Variants in RELCH observed in about 807,000 individuals in gnomAD.
RELCH encodes RAB11 binding and LisH domain, coiled-coil and HEAT repeat containing.
RELCH carries 41 observed loss-of-function variants against 150.3 expected under a neutral mutation model. That is an observed-to-expected ratio of 0.27 (90% CI 0.21 to 0.35). RELCH has a LOEUF of 0.35. RELCH is among the 10% of genes least tolerant of loss of function. The probability of loss-of-function intolerance (pLI) is 1.00; values close to 1 mark genes in which losing one functional copy is unlikely to be tolerated. For missense variants in RELCH, 1,092 were observed against 1,467.8 expected (o/e 0.74, Z 4.18); for synonymous variants, 478 against 531.8 (o/e 0.90, Z 1.39).
intron 1 of RELCH, among the ~76,000 whole-genome samples, chr18:62,188,982 A>G (rs2038392805): frequency 2.0e-5 from 3 of 151,588 alleles, no homozygotes. Flanking sequence ...AGCCTAATTG[A>G]TTTTTTTTTA....
chr18:62,262,736 A>G (rs1256698227), intron 16 of RELCH, among the ~76,000 whole-genome samples: 2 of 151,956 alleles, frequency 1.3e-5, no homozygotes, highest in African/African-American at 4.8e-5. Context: ...GGATTTTCCT[A>G]TCTTTCTAAT....
intron 1 of RELCH, among the ~76,000 whole-genome samples, chr18:62,198,979 A>G (rs991594102): frequency 6.6e-6 from 1 of 151,854 alleles, no homozygotes; most frequent in Non-Finnish European, 1.5e-5. Context: ...TGTTGTCCAT[A>G]TGCAAAACCT....
At chr18:62,273,938 T>G in intron 20 of RELCH, 42 bp from the exon 21 acceptor site, 1 of 1,231,598 alleles carries the variant, frequency 8.1e-7, no homozygotes, top group Non-Finnish European at 1.2e-6. Flanking sequence ...TTAGTTCTAC[T>G]TGATTGTTTG....
chr18:62,220,988 C>A, intron 2 of RELCH, 49 bp from the exon 3 acceptor site: 1 of 1,437,596 alleles, frequency 7.0e-7, no homozygotes, highest in South Asian at 1.2e-5. Flanking sequence ...TTTTGTTTCC[C>A]TTTTCTTGGT....
intron 1 of RELCH, among the ~76,000 whole-genome samples, chr18:62,196,023 A>G (rs1238589788): frequency 1.3e-5 from 2 of 151,990 alleles, no homozygotes; most frequent in East Asian, 3.9e-4. Flanking sequence ...GATCCAACGT[A>G]TCGTTTCTCA....
chr18:62,241,209 C>G (rs1485790086), intron 10 of RELCH, among the ~76,000 whole-genome samples: 1 of 152,138 alleles, frequency 6.6e-6, no homozygotes, highest in East Asian at 1.9e-4. Flanking sequence ...AATGTATTTT[C>G]CTACTTTGTC....
intron 2 of RELCH, among the ~76,000 whole-genome samples, chr18:62,219,636 CTT>C (rs939474473): frequency 3.9e-5 from 6 of 151,918 alleles, no homozygotes; most frequent in Non-Finnish European, 5.9e-5. Context: ...AAATGTTTAA[CTT>C]TGTTGCACAG....
chr18:62,274,925 CTA>C (rs1468896209), intron 21 of RELCH, among the ~76,000 whole-genome samples: 1 of 152,086 alleles, frequency 6.6e-6, no homozygotes, highest in Non-Finnish European at 1.5e-5. Context: ...TTGTTTGTTT[CTA>C]TGTTTTTTGA....
intron 8 of RELCH, among the ~76,000 whole-genome samples, chr18:62,229,518 G>GTGTGTGTGTCTGTC (rs539055675): frequency 0.019 from 2,817 of 147,526 alleles, 34 homozygotes; most frequent in South Asian, 0.039. Context: ...GTGTGTGTGT[G>GTGTGTGTGTCTGTC]TGTCTGTCTG....
intron 1 of RELCH, among the ~76,000 whole-genome samples, chr18:62,203,572 T>G (rs1033591734): frequency 6.6e-6 from 1 of 152,236 alleles, no homozygotes; most frequent in African/African-American, 2.4e-5. Flanking sequence ...CATTGACAAA[T>G]GCTGTTACAT....
chr18:62,197,153 C>T (rs181468613), intron 1 of RELCH, among the ~76,000 whole-genome samples: 2 of 152,274 alleles, frequency 1.3e-5, no homozygotes, highest in East Asian at 3.9e-4. Flanking sequence ...ACACTCCCTG[C>T]TTACCATCAT....
Position 62,266,695 on chromosome 18 carries a change from G to T in RELCH, c.2632-6G>T. 1 of 1,595,994 alleles carries T rather than the reference G, an allele frequency of 6.3e-7. No homozygotes were observed. Among genetic ancestry groups the T allele is most frequent in the Non-Finnish European group, 8.6e-7 (1 of 1,166,982 alleles). On this transcript the variant is annotated splice_polypyrimidine_tract_variant and splice_region_variant and intron_variant, in intron 18 of 28. Transcript: ENST00000644646. ...ACTTTTTGAATCTTCTCTTTGGGTT[G>T]CTTAGGTAAAACCTCAGTTCCAGGA...
At chr18:62,212,256 GTGTC>G (rs962883526) in intron 2 of RELCH, among the ~76,000 whole-genome samples, 10 of 152,198 alleles carry the variant, frequency 6.6e-5, no homozygotes, top group African/African-American at 2.4e-4. Context: ...CCTCAAGTCT[GTGTC>G]TGTCTGCCAT....
chr18:62,197,872 G>A (rs1278108907), intron 1 of RELCH, among the ~76,000 whole-genome samples: 1 of 152,194 alleles, frequency 6.6e-6, no homozygotes, highest in Non-Finnish European at 1.5e-5. Flanking sequence ...CACTAGGTCT[G>A]TGCCAGACTA....
chr18:62,275,631 G>A, intron 22 of RELCH, 158 bp downstream of exon 22: 1 of 473,876 alleles, frequency 2.1e-6, no homozygotes, highest in Non-Finnish European at 3.7e-6. Context: ...ACTGTGTGAT[G>A]GGGCAGAAAT....
chr18:62,274,945 T>G (rs2044112434), intron 21 of RELCH, among the ~76,000 whole-genome samples: 1 of 152,184 alleles, frequency 6.6e-6, no homozygotes, highest in Non-Finnish European at 1.5e-5. Context: ...TGAGACGGAG[T>G]CTCGCTCTGT....
At chr18:62,296,586 C>CA (rs202102443) in intron 27 of RELCH, among the ~76,000 whole-genome samples, 61 of 143,804 alleles carry the variant, frequency 4.2e-4, no homozygotes, top group Middle Eastern at 3.6e-3. Flanking sequence ...AACTCCATCT[C>CA]AAAAAAAAAA....
chr18:62,220,445 G>T (rs12327436), intron 2 of RELCH, among the ~76,000 whole-genome samples: 109,630 of 149,302 alleles, frequency 0.73, 40,364 homozygotes, highest in East Asian at 0.91. Context: ...GTAGAAAAAT[G>T]TATAGGCATC....
intron 2 of RELCH, among the ~76,000 whole-genome samples, chr18:62,212,968 G>A (rs2040257996): frequency 6.6e-6 from 1 of 152,202 alleles, no homozygotes; most frequent in Non-Finnish European, 1.5e-5. Flanking sequence ...GAATATCCAT[G>A]TAATGGGGAA....
Sources: gnomAD v4.1 joint callset for allele counts (sites outside exome capture counted in the v4.1 genomes callset) on GRCh38, gnomAD v4.1.1 for gene constraint, MANE v1.5 for transcripts, NCBI Gene and HGNC (gene_info 2026-07-23, HGNC 2026-07-21) for gene names.